NBEA: variants seen among roughly 807,000 people sequenced by gnomAD.
The protein encoded by NBEA is neurobeachin, also known as lysosomal-trafficking regulator 2.
Under a neutral mutation model 343.4 loss-of-function variants are expected in NBEA, and 44 were observed. The ratio of observed to expected loss-of-function variants is 0.13; its 90% CI spans 0.10 to 0.16. NBEA has a LOEUF of 0.16. Ranked by LOEUF, NBEA falls within the 10% of genes least tolerant of loss-of-function variation. The pLI, the probability that NBEA is intolerant of heterozygous loss-of-function variation, is 1.00. For synonymous variants in NBEA, 1,175 were observed against 1,238.7 expected (o/e 0.95, Z 1.08); for missense variants, 2,555 against 3,631.3 (o/e 0.70, Z 7.62).
At chr13:35,181,911 T>C (rs1051163809) in intron 28 of NBEA, among the ~76,000 whole-genome samples, 1 of 151,762 alleles carries the variant, frequency 6.6e-6, no homozygotes. Context: ...TATAGTCTCT[T>C]GTTCCAGTTA....
At chr13:35,032,229 G>C (rs975148650) in intron 1 of NBEA, among the ~76,000 whole-genome samples, 1 of 151,786 alleles carries the variant, frequency 6.6e-6, no homozygotes, top group African/African-American at 2.4e-5. Context: ...TCGCCATACT[G>C]CTTTCCACAA....
rs574138651 is a variant in NBEA at position 35,045,472 on chromosome 13, C to G, written c.723+71C>G. 4 of 1,216,278 alleles carry G rather than the reference C, an allele frequency of 3.3e-6. No individual in the cohort carries two copies. The East Asian group carries it at 1.0e-4, about 31-fold the overall frequency. 75.3% of individuals were successfully genotyped at this position (1,216,278 alleles called of 1,614,324 possible). On this transcript the variant is annotated intron_variant, in intron 4 of 58. Coordinates refer to ENST00000379939, the MANE Select transcript of NBEA (RefSeq NM_001385012.1). ...GTCACCTTTAGTAAGGTTTAACTTACATATAATAAAATTTACCAGTTTAGA... is the reference window on the plus strand; with the variant it reads ...GTCACCTTTAGTAAGGTTTAACTTAGATATAATAAAATTTACCAGTTTAGA...
At chr13:35,154,794 G>C (rs552833616) in intron 18 of NBEA, among the ~76,000 whole-genome samples, 2 of 152,188 alleles carry the variant, frequency 1.3e-5, no homozygotes, top group South Asian at 2.1e-4. Context: ...AAATGACAAT[G>C]AGCCACATTG....
At chr13:35,415,632 T>C (rs2043860460) in intron 38 of NBEA, among the ~76,000 whole-genome samples, 1 of 152,196 alleles carries the variant, frequency 6.6e-6, no homozygotes, top group African/African-American at 2.4e-5. Flanking sequence ...TTTTGGTTAC[T>C]GTAGCCTTGT....
At chr13:35,608,366 A>T (rs1008832338) in intron 48 of NBEA, among the ~76,000 whole-genome samples, 1 of 152,190 alleles carries the variant, frequency 6.6e-6, no homozygotes, top group Non-Finnish European at 1.5e-5. Context: ...TATTTCAGTA[A>T]TATATACTTC....
At chr13:34,992,232 GTGTGTGTATATA>G (rs2060781940) in intron 1 of NBEA, among the ~76,000 whole-genome samples, 1 of 112,458 alleles carries the variant, frequency 8.9e-6, no homozygotes, top group African/African-American at 3.1e-5. Context: ...ATGTGTGTGT[GTGTGTGTATATA>G]TATATATATA....
chr13:35,113,624 T>TCTATCTAG (rs1330097163), intron 13 of NBEA, among the ~76,000 whole-genome samples: 4 of 151,298 alleles, frequency 2.6e-5, no homozygotes, highest in Admixed American at 2.6e-4. Flanking sequence ...TATCTATCTA[T>TCTATCTAG]CTATCTGTCT....
chr13:35,566,497 A>C (rs1424256725), intron 44 of NBEA, among the ~76,000 whole-genome samples: 1 of 152,204 alleles, frequency 6.6e-6, no homozygotes. Context: ...CCGGGGTTGC[A>C]ATATTATCTA....
chr13:35,605,381 T>G (rs1165715003), intron 47 of NBEA, among the ~76,000 whole-genome samples: 1 of 152,150 alleles, frequency 6.6e-6, no homozygotes, highest in Non-Finnish European at 1.5e-5. Flanking sequence ...ATATGCTTTT[T>G]CTAGAAAGTT....
In NBEA at chr13:35,475,481, C is replaced by A. The variant is rs368025803; in HGVS notation, c.6585+2945C>A. 4 of 1,612,292 alleles carry A rather than the reference C, an allele frequency of 2.5e-6. No homozygotes were observed. Among genetic ancestry groups the A allele is most frequent in the African/African-American group, 1.3e-5 (1 of 74,672 alleles). On this transcript the variant is annotated intron_variant, in intron 41 of 58. Transcript: ENST00000379939. ...TCGCTCTCCGCCGAGCTCTGCTTGC[C>A]GGCCAAGGAGTGGCACTCCTTGGAC... is the stretch of plus-strand genomic sequence containing the variant.
At chr13:35,491,970 A>G (rs969327546) in intron 41 of NBEA, among the ~76,000 whole-genome samples, 2 of 152,006 alleles carry the variant, frequency 1.3e-5, no homozygotes, top group Non-Finnish European at 2.9e-5. Flanking sequence ...GTATCAATGG[A>G]ATTGTAGAGA....
chr13:35,657,852 G>A (rs940157399), intron 55 of NBEA, among the ~76,000 whole-genome samples: 1 of 152,022 alleles, frequency 6.6e-6, no homozygotes, highest in African/African-American at 2.4e-5. Flanking sequence ...TTCCAAAAAG[G>A]GGATTTATTT....
chr13:35,413,476 A>G (rs932748820), intron 38 of NBEA, among the ~76,000 whole-genome samples: 5 of 152,138 alleles, frequency 3.3e-5, no homozygotes, highest in African/African-American at 1.2e-4. Flanking sequence ...TTCACCAGGT[A>G]AATTCAGGTT....
rs531650690 is a variant in NBEA at position 35,374,272 on chromosome 13, A to G, written c.6179+21949A>G. On this transcript the variant is annotated intron_variant, in intron 38 of 58. Coordinates refer to ENST00000379939, the MANE Select transcript of NBEA (RefSeq NM_001385012.1). ...CAAGGCGAACAGCTGGTTCTGGAGCAATCAGAACACACATTCATTGGTTGA... is the reference window on the plus strand; with the variant it reads ...CAAGGCGAACAGCTGGTTCTGGAGCGATCAGAACACACATTCATTGGTTGA... Among the ~76,000 whole-genome samples the G allele has an allele frequency of 1.9e-3, 295 of 152,312 alleles. 1 individual carries two copies. The highest frequency in any genetic ancestry group is 6.8e-3 in the African/African-American group (281 of 41,576).
intron 8 of NBEA, among the ~76,000 whole-genome samples, chr13:35,060,437 C>T (rs1409362339): frequency 6.6e-6 from 1 of 151,792 alleles, no homozygotes; most frequent in African/African-American, 2.4e-5. Flanking sequence ...ACCCTGTCAT[C>T]ATGTGTACAC....
At position 35,418,551 on chromosome 13, in the gene NBEA, A is replaced by G. The variant is rs545115627; in HGVS notation, c.6180-13718A>G. Among the ~76,000 whole-genome samples, 12 of 152,176 alleles carry G rather than the reference A, an allele frequency of 7.9e-5. No individual in the cohort carries two copies. The South Asian group carries it at 2.1e-3, about 26-fold the overall frequency. ...CAGCACTGAGAATATTGCCTAACAC[A>G]AAATAGATGCTCAGTAAATATATTT... On this transcript the variant is annotated intron_variant, in intron 38 of 58. Transcript: ENST00000379939.
intron 13 of NBEA, among the ~76,000 whole-genome samples, chr13:35,111,667 T>C (rs1022140078): frequency 6.6e-6 from 1 of 152,068 alleles, no homozygotes; most frequent in African/African-American, 2.4e-5. Flanking sequence ...ACATCGTTTC[T>C]AAAGTTTTGA....
chr13:35,113,586 C>CATGT, intron 13 of NBEA, among the ~76,000 whole-genome samples: 1 of 146,804 alleles, frequency 6.8e-6, no homozygotes, highest in Non-Finnish European at 1.5e-5. Flanking sequence ...CTCCTCCACT[C>CATGT]ATCTATCTAT....
At chr13:35,049,919 T>C (rs773279435) in intron 5 of NBEA, among the ~76,000 whole-genome samples, 7 of 151,754 alleles carry the variant, frequency 4.6e-5, no homozygotes, top group Non-Finnish European at 8.9e-5. Flanking sequence ...CAGGTTGTTA[T>C]TTAAAATGTG....
Sources: allele counts gnomAD v4.1 joint callset (sites outside exome capture counted in the v4.1 genomes callset), GRCh38; gene constraint gnomAD v4.1.1; transcripts MANE v1.5; gene names NCBI Gene and HGNC (gene_info 2026-07-23, HGNC 2026-07-21).